The following PTPRD variants were observed in gnomAD, a reference collection of about 807,000 sequenced individuals.
PTPRD encodes receptor-type tyrosine-protein phosphatase delta.
PTPRD carries 34 observed loss-of-function variants against 214.5 expected under a neutral mutation model. The ratio of observed to expected loss-of-function variants is 0.16; its 90% CI spans 0.12 to 0.21. The LOEUF is 0.21. Among genes scored for constraint, PTPRD ranks in the 10% least tolerant of loss-of-function variants. The probability of loss-of-function intolerance (pLI) is 1.00; values close to 1 mark genes in which losing one functional copy is unlikely to be tolerated. For missense variants in PTPRD, 2,545 were observed against 2,398.7 expected, an observed-to-expected ratio of 1.06 and a Z score of -1.27; for synonymous variants, 1,128 against 845.7, an observed-to-expected ratio of 1.33 and a Z score of -5.79.
At chr9:10,105,635 T>A (rs2098620066) in intron 3 of PTPRD, among the ~76,000 whole-genome samples, 2 of 151,848 alleles carry the variant, frequency 1.3e-5, no homozygotes, top group South Asian at 4.1e-4. Flanking sequence ...CCAACCTGAA[T>A]TGGACCAGTT....
chr9:9,639,359 T>C (rs1187983313), intron 7 of PTPRD, among the ~76,000 whole-genome samples: 1 of 152,194 alleles, frequency 6.6e-6, no homozygotes, highest in African/African-American at 2.4e-5. Context: ...ATACCAAACA[T>C]TTTCTGAAAA....
At chr9:9,589,147 G>A (rs897476671) in intron 7 of PTPRD, among the ~76,000 whole-genome samples, 1 of 151,898 alleles carries the variant, frequency 6.6e-6, no homozygotes, top group African/African-American at 2.4e-5. Context: ...ATGAAATTGT[G>A]AAAACTGTGT....
chr9:9,687,822 C>A (rs2097192548), intron 7 of PTPRD, among the ~76,000 whole-genome samples: 1 of 151,722 alleles, frequency 6.6e-6, no homozygotes, highest in East Asian at 1.9e-4. Flanking sequence ...CATGTATGCA[C>A]ACACAGATAC....
chr9:8,540,460 T>C (rs1363792065), intron 14 of PTPRD, among the ~76,000 whole-genome samples: 1 of 152,008 alleles, frequency 6.6e-6, no homozygotes, highest in African/African-American at 2.4e-5. Context: ...CAAAATTGAG[T>C]GATAACTCAA....
intron 9 of PTPRD, among the ~76,000 whole-genome samples, chr9:9,271,075 A>G (rs1384573183): frequency 1.3e-5 from 2 of 151,266 alleles, no homozygotes; most frequent in East Asian, 3.9e-4. Context: ...GATAAGGAGG[A>G]CCGATTGGGC....
At chr9:10,577,896 A>C (rs576594970) in intron 2 of PTPRD, among the ~76,000 whole-genome samples, 1 of 146,944 alleles carries the variant, frequency 6.8e-6, no homozygotes, top group South Asian at 2.2e-4. Flanking sequence ...AAATATTCCA[A>C]ATCAGTACAA....
In PTPRD at chr9:9,030,049, G is replaced by A. The variant is rs372512788; in HGVS notation, c.-142-11314C>T. Reference sequence around the variant, plus strand: ...CTACAAAGATAAATTGATCAGTCAAGAAAATGGGAAGAGAACAGTGTGGGA... The same window carrying A: ...CTACAAAGATAAATTGATCAGTCAAAAAAATGGGAAGAGAACAGTGTGGGA... On this transcript the variant is annotated intron_variant, in intron 10 of 45. Transcript: ENST00000381196. Among the ~76,000 whole-genome samples the A allele has an allele frequency of 1.8e-3, 273 of 151,950 alleles. 2 individuals carry two copies. Among genetic ancestry groups the A allele is most frequent in the African/African-American group, 6.3e-3 (263 of 41,484 alleles).
chr9:9,807,517 TC>T (rs1393054227), intron 5 of PTPRD, among the ~76,000 whole-genome samples: 2 of 152,120 alleles, frequency 1.3e-5, no homozygotes, highest in Admixed American at 1.3e-4. Flanking sequence ...CTCTGACTTC[TC>T]CCCTTGTTAA....
At chr9:9,581,600 A>G (rs1342656259) in intron 7 of PTPRD, among the ~76,000 whole-genome samples, 1 of 152,130 alleles carries the variant, frequency 6.6e-6, no homozygotes, top group Non-Finnish European at 1.5e-5. Context: ...CATCTAAGTG[A>G]TGCAATAAAG....
chr9:8,671,238 T>C (rs2154363479), intron 12 of PTPRD, among the ~76,000 whole-genome samples: 1 of 152,338 alleles, frequency 6.6e-6, no homozygotes, highest in Admixed American at 6.5e-5. Flanking sequence ...TCTCATTTAA[T>C]TTTTTAAAAA....
chr9:9,964,446 A>G (rs986235493), intron 4 of PTPRD, among the ~76,000 whole-genome samples: 1 of 152,196 alleles, frequency 6.6e-6, no homozygotes, highest in African/African-American at 2.4e-5. Flanking sequence ...ACTTTTAAGG[A>G]TGCAGAGTAA....
chr9:9,624,035 A>C (rs1211561805), intron 7 of PTPRD, among the ~76,000 whole-genome samples: 2 of 152,190 alleles, frequency 1.3e-5, no homozygotes, highest in Non-Finnish European at 2.9e-5. Flanking sequence ...AAAAGCACTA[A>C]TGATTAGAGC....
At chr9:8,934,452 T>TATATATAA (rs2098978027) in intron 11 of PTPRD, among the ~76,000 whole-genome samples, 3 of 9,492 alleles carry the variant, frequency 3.2e-4, no homozygotes, top group African/African-American at 6.4e-4. Context: ...TATATAAATT[T>TATATATAA]ATATATATAT....
chr9:9,692,016 G>A (rs775763399), intron 7 of PTPRD, among the ~76,000 whole-genome samples: 1 of 151,892 alleles, frequency 6.6e-6, no homozygotes, highest in Non-Finnish European at 1.5e-5. Context: ...TATATACTCT[G>A]GTTATTAATC....
chr9:10,438,351 G>A (rs1469651373), intron 2 of PTPRD, among the ~76,000 whole-genome samples: 2 of 151,562 alleles, frequency 1.3e-5, no homozygotes, highest in South Asian at 2.1e-4. Flanking sequence ...ATTATCAAAT[G>A]CATTATCAGT....
intron 3 of PTPRD, among the ~76,000 whole-genome samples, chr9:10,057,059 C>G (rs1465683412): frequency 6.6e-6 from 1 of 152,130 alleles, no homozygotes; most frequent in Non-Finnish European, 1.5e-5. Flanking sequence ...AATTGCAAGT[C>G]AGCAAAGCTG....
chr9:8,478,076 G>A (rs1438713369), intron 30 of PTPRD, among the ~76,000 whole-genome samples: 2 of 152,166 alleles, frequency 1.3e-5, no homozygotes, highest in Non-Finnish European at 2.9e-5. Flanking sequence ...ACCATTACTA[G>A]TATTAGCTGT....
At chr9:9,848,066 A>G (rs2153658102) in intron 5 of PTPRD, among the ~76,000 whole-genome samples, 1 of 152,278 alleles carries the variant, frequency 6.6e-6, no homozygotes, top group African/African-American at 2.4e-5. Context: ...AGATGAGCTG[A>G]GATGCCAAAT....
chr9:10,153,481 T>C (rs1173173666), intron 3 of PTPRD, among the ~76,000 whole-genome samples: 1 of 150,720 alleles, frequency 6.6e-6, no homozygotes, highest in African/African-American at 2.4e-5. Context: ...TTTAGGTCTA[T>C]AATCTATATT....
Sources: allele counts gnomAD v4.1 joint callset (sites outside exome capture counted in the v4.1 genomes callset), GRCh38; gene constraint gnomAD v4.1.1; transcripts MANE v1.5; gene names NCBI Gene and HGNC (gene_info 2026-07-23, HGNC 2026-07-21).